SRBD1: variants seen among roughly 807,000 people sequenced by gnomAD.
SRBD1 encodes S1 RNA-binding domain-containing protein 1.
Under a neutral mutation model 115.3 loss-of-function variants are expected in SRBD1, and 88 were observed. The observed-to-expected ratio is 0.76, with a 90% CI of 0.64 to 0.91. The LOEUF (loss-of-function observed/expected upper bound fraction) is 0.91. SRBD1 is among the 40% of genes least tolerant of loss of function. The pLI is 0.00. For missense variants in SRBD1, 1,385 were observed against 1,177.4 expected, an observed-to-expected ratio of 1.18 and a Z score of -2.58; for synonymous variants, 509 against 407.7, an observed-to-expected ratio of 1.25 and a Z score of -2.99.
chr2:45,596,928 T>TC, intron 4 of SRBD1, among the ~76,000 whole-genome samples: 1 of 43,996 alleles, frequency 2.3e-5, no homozygotes, highest in Non-Finnish European at 4.9e-5. Flanking sequence ...CCCACAACCC[T>TC]AACACACACA....
chr2:45,519,275 G>C (rs1671211562), intron 14 of SRBD1, among the ~76,000 whole-genome samples: 1 of 152,096 alleles, frequency 6.6e-6, no homozygotes, highest in African/African-American at 2.4e-5. Flanking sequence ...TCATACTCCT[G>C]TACTCAGGGG....
chr2:45,549,858 G>T (rs757037114), intron 12 of SRBD1, among the ~76,000 whole-genome samples: 8 of 151,918 alleles, frequency 5.3e-5, no homozygotes, highest in Non-Finnish European at 1.2e-4. Flanking sequence ...GCAAGACCCT[G>T]ACTCAGTAAA....
chr2:45,542,683 A>G (rs1012980645), intron 14 of SRBD1, among the ~76,000 whole-genome samples: 1 of 152,242 alleles, frequency 6.6e-6, no homozygotes, highest in African/African-American at 2.4e-5. Flanking sequence ...CACACAACAC[A>G]GACTTTCCAC....
chr2:45,587,717 C>T (rs1164768179), intron 4 of SRBD1, among the ~76,000 whole-genome samples: 3 of 152,120 alleles, frequency 2.0e-5, no homozygotes, highest in African/African-American at 7.2e-5. Flanking sequence ...CATCTTATCA[C>T]CCATTCTGAT....
intron 15 of SRBD1, among the ~76,000 whole-genome samples, chr2:45,481,177 A>G (rs1001344743): frequency 2.0e-5 from 3 of 152,164 alleles, no homozygotes; most frequent in African/African-American, 7.2e-5. Flanking sequence ...TTAACACACT[A>G]TAGTATAAAC....
At chr2:45,556,927 C>T (rs1416374822) in intron 10 of SRBD1, among the ~76,000 whole-genome samples, 4 of 152,144 alleles carry the variant, frequency 2.6e-5, no homozygotes, top group East Asian at 1.9e-4. Context: ...TTTGCTGCTG[C>T]TGCTGCTGCT....
chr2:45,443,460 G>T (rs1429634061), intron 16 of SRBD1, among the ~76,000 whole-genome samples: 1 of 152,084 alleles, frequency 6.6e-6, no homozygotes, highest in Admixed American at 6.6e-5. Flanking sequence ...ATTTTGGTGG[G>T]GGGGATTAGT....
rs117072893 is a variant in SRBD1 at position 45,501,113 on chromosome 2, G to A, written c.1875-12782C>T. Among the ~76,000 whole-genome samples the A allele has an allele frequency of 6.8e-4, 104 of 152,216 alleles. 1 individual carries two copies. The East Asian group carries it at 0.02, about 29-fold the overall frequency. On this transcript the variant is annotated intron_variant, in intron 14 of 20. Coordinates refer to ENST00000263736, the MANE Select transcript of SRBD1 (RefSeq NM_018079.5). ...GAAGGGACACTGGATTTTACTGAAT[G>A]CTTTTTCAGCATCTATTGAAATGAT...
chr2:45,545,541 G>C (rs6761731), intron 14 of SRBD1, among the ~76,000 whole-genome samples: 3 of 152,176 alleles, frequency 2.0e-5, no homozygotes, highest in East Asian at 3.9e-4. Context: ...AAAAAAATCA[G>C]AGAAGGTACC....
At chr2:45,597,683 G>C (rs1673946197) in intron 4 of SRBD1, among the ~76,000 whole-genome samples, 1 of 152,160 alleles carries the variant, frequency 6.6e-6, no homozygotes, top group Middle Eastern at 3.2e-3. Flanking sequence ...AGTCCTTTGG[G>C]AGACTTGACC....
intron 7 of SRBD1, among the ~76,000 whole-genome samples, chr2:45,579,109 G>C (rs7585409): frequency 6.6e-6 from 1 of 151,848 alleles, no homozygotes; most frequent in African/African-American, 2.4e-5. Flanking sequence ...AACCAAAGTT[G>C]TCACTCTAAG....
At chr2:45,406,020 G>C (rs1386977028) in intron 19 of SRBD1, among the ~76,000 whole-genome samples, 1 of 151,926 alleles carries the variant, frequency 6.6e-6, no homozygotes, top group Non-Finnish European at 1.5e-5. Context: ...ATGAGAAGAA[G>C]TGAAGACATT....
intron 16 of SRBD1, among the ~76,000 whole-genome samples, chr2:45,453,027 C>T (rs1272456145): frequency 6.6e-6 from 1 of 151,876 alleles, no homozygotes; most frequent in African/African-American, 2.4e-5. Context: ...ATTTTACAAG[C>T]ACATTATTCT....
intron 17 of SRBD1, among the ~76,000 whole-genome samples, chr2:45,419,375 G>A (rs1558379995): frequency 6.6e-6 from 1 of 152,148 alleles, no homozygotes; most frequent in Admixed American, 6.5e-5. Flanking sequence ...TGGAATCAGG[G>A]TAAAAATATG....
chr2:45,409,080 A>T (rs1243991509), intron 19 of SRBD1, among the ~76,000 whole-genome samples: 2 of 152,044 alleles, frequency 1.3e-5, no homozygotes, highest in Non-Finnish European at 2.9e-5. Context: ...TTAGCCGGGC[A>T]TGGTGGCACA....
chr2:45,405,404 G>A (rs569017551), intron 19 of SRBD1, among the ~76,000 whole-genome samples: 1 of 152,208 alleles, frequency 6.6e-6, no homozygotes, highest in Non-Finnish European at 1.5e-5. Flanking sequence ...GACAAAGGGG[G>A]GTGGTACAAG....
At chr2:45,463,444 T>G (rs1186962446) in intron 16 of SRBD1, among the ~76,000 whole-genome samples, 1 of 151,896 alleles carries the variant, frequency 6.6e-6, no homozygotes, top group Non-Finnish European at 1.5e-5. Context: ...TATAAAGGAA[T>G]GAGTTAATCA....
At chr2:45,389,648 T>TA in intron 20 of SRBD1, 49 bp from the exon 21 acceptor site, 3 of 1,552,580 alleles carry the variant, frequency 1.9e-6, no homozygotes, top group Middle Eastern at 2.1e-4. Context: ...ACTTCCTAGA[T>TA]ACAACATAAC....
chr2:45,532,801 C>T (rs1393024920), intron 14 of SRBD1, among the ~76,000 whole-genome samples: 2 of 151,924 alleles, frequency 1.3e-5, no homozygotes, highest in Admixed American at 6.6e-5. Context: ...GGTTTACCGA[C>T]CCCCCACTGC....
Sources: gnomAD v4.1 joint callset for allele counts (sites outside exome capture counted in the v4.1 genomes callset) on GRCh38, gnomAD v4.1.1 for gene constraint, MANE v1.5 for transcripts, NCBI Gene and HGNC (gene_info 2026-07-23, HGNC 2026-07-21) for gene names.